The following DGCR2 variants were observed in gnomAD, a reference collection of about 807,000 sequenced individuals.
The protein encoded by DGCR2 is integral membrane protein DGCR2/IDD.
A neutral mutation model predicts 51.6 loss-of-function variants in DGCR2; 24 were observed. The ratio of observed to expected loss-of-function variants is 0.47; its 90% confidence interval spans 0.34 to 0.65. The LOEUF is 0.65. Ranked by LOEUF, DGCR2 falls within the 30% of genes least tolerant of loss-of-function variation. DGCR2 has a pLI of 0.01. For missense variants in DGCR2, 765 were observed against 772.1 expected (o/e 0.99, Z 0.11); for synonymous variants, 340 against 315.4 (o/e 1.08, Z -0.82).
chr22:19,099,385 G>T (rs1471629665), intron 1 of DGCR2, among the ~76,000 whole-genome samples: 1 of 151,872 alleles, frequency 6.6e-6, no homozygotes, highest in Non-Finnish European at 1.5e-5. Flanking sequence ...TTCGAGACCA[G>T]CCTGGCCAAC....
intron 8 of DGCR2, 22 bp downstream of exon 8, chr22:19,041,785 G>A (rs749803602): frequency 1.2e-6 from 2 of 1,607,668 alleles, no homozygotes; most frequent in South Asian, 1.1e-5. Flanking sequence ...GACCAGGGTT[G>A]TGGCCCTCAG....
At chr22:19,052,309 G>T (rs563739624) in intron 6 of DGCR2, among the ~76,000 whole-genome samples, 1 of 152,020 alleles carries the variant, frequency 6.6e-6, no homozygotes, top group Non-Finnish European at 1.5e-5. Flanking sequence ...CCAGCTACTC[G>T]GGAGGCTGAG....
rs575023425 is a variant in DGCR2, at chr22:19,059,063, T to C, written c.626-1901A>G. ...GGAGCATCCCTGGAAGAGGTCACAGTGGCAGCCATGAACAAGGCAGCCTGT... is the reference window on the plus strand; with the variant it reads ...GGAGCATCCCTGGAAGAGGTCACAGCGGCAGCCATGAACAAGGCAGCCTGT... On this transcript the variant is annotated intron_variant, in intron 5 of 9. Transcript: ENST00000263196. 7.9e-5 allele frequency among the ~76,000 whole-genome samples: 12 copies of C among 152,276 alleles called. No homozygotes were observed. The South Asian group carries it at 2.1e-3, about 26-fold the overall frequency.
At chr22:19,039,941 T>G (rs1043572439) in intron 9 of DGCR2, among the ~76,000 whole-genome samples, 3 of 152,144 alleles carry the variant, frequency 2.0e-5, no homozygotes, top group Admixed American at 1.3e-4. Flanking sequence ...CTGGGCAACA[T>G]AGTGAGACCC....
intron 1 of DGCR2, among the ~76,000 whole-genome samples, chr22:19,095,350 A>G (rs2083126894): frequency 6.6e-6 from 1 of 152,114 alleles, no homozygotes; most frequent in Non-Finnish European, 1.5e-5. Flanking sequence ...CAACAAGAGC[A>G]AAATTCTGTC....
intron 2 of DGCR2, 107 bp from the exon 3 acceptor site, chr22:19,068,332 T>C: frequency 2.3e-6 from 3 of 1,320,270 alleles, no homozygotes; most frequent in Non-Finnish European, 2.9e-6. Flanking sequence ...AGGGGGGGCC[T>C]GTAGCACAGA....
At position 19,039,046 on chromosome 22, in the gene DGCR2, C is replaced by CA; in HGVS notation, c.1471_1472insT (p.Arg491LeufsTer32). 6.2e-7 allele frequency: 1 copy of CA among 1,613,080 alleles called. No homozygotes were observed. Among genetic ancestry groups the CA allele is most frequent in the Non-Finnish European group, 8.5e-7 (1 of 1,179,942 alleles). On this transcript the variant is annotated frameshift_variant, in exon 10 of 10. Transcript: ENST00000263196. LOFTEE classifies it low-confidence loss of function (END_TRUNC). ...AGTGGGCAGAGGCTGCTCCAGGCGC[C>CA]GGAGTAATGCACCTTCACTCCCACC...
rs1274709881 is a variant in DGCR2, at chr22:19,037,621, CAAAGG to C, written c.*1239_*1243del. The C allele has an allele frequency of 2.6e-5, 4 of 152,220 alleles. No individual in the cohort carries two copies. Among genetic ancestry groups the C allele is most frequent in the African/African-American group, 9.7e-5 (4 of 41,434 alleles). 9.4% of individuals were successfully genotyped at this position (152,220 alleles called of 1,614,324 possible). A position where few individuals can be genotyped will look rare whatever the true frequency, so the allele number is the denominator to read the frequency against. ...ATACACACACAGAGACACAAACATA[CAAAGG>C]AAAGATCCAGACATTCAACGTAGAA... is the stretch of plus-strand genomic sequence containing the variant. On this transcript the variant is annotated 3_prime_UTR_variant, in exon 10 of 10. Coordinates refer to ENST00000263196, the MANE Select transcript of DGCR2 (RefSeq NM_005137.3).
chr22:19,068,137 G>A lies in DGCR2; in HGVS notation c.291C>T (p.Phe97=). The change falls in exon 3 of 10, where the codon TTC becomes TTT. Residue 97 remains phenylalanine (F), a synonymous_variant. Coordinates refer to ENST00000263196, the MANE Select transcript of DGCR2 (RefSeq NM_005137.3). Reference sequence around the variant, plus strand: ...CGGGCTGCGCCACGTTCACCGCGTGGAAGTGCGAAGGGTCGCCTCCTCTGG... The same window carrying A: ...CGGGCTGCGCCACGTTCACCGCGTGAAAGTGCGAAGGGTCGCCTCCTCTGG... ...GRARGGDPSH[F]HAVNVAQPVR... is the part of the protein sequence containing the mutation. 1.9e-6 allele frequency: 3 copies of A among 1,609,188 alleles called. No individual in the cohort carries two copies. The South Asian group carries it at 3.3e-5, about 18-fold the overall frequency.
intron 2 of DGCR2, among the ~76,000 whole-genome samples, chr22:19,082,259 T>G (rs865861934): frequency 7.2e-6 from 1 of 137,962 alleles, no homozygotes; most frequent in South Asian, 2.3e-4. Flanking sequence ...AGAGACAGGA[T>G]TTCACCACGT....
chr22:19,110,152 CA>C (rs1360530522), intron 1 of DGCR2, among the ~76,000 whole-genome samples: 3 of 152,210 alleles, frequency 2.0e-5, no homozygotes, highest in Non-Finnish European at 4.4e-5. Context: ...AAGTTGAACA[CA>C]AGATTTAACA....
At chr22:19,085,169 A>G (rs2083001048) in intron 2 of DGCR2, among the ~76,000 whole-genome samples, 1 of 152,120 alleles carries the variant, frequency 6.6e-6, no homozygotes, top group African/African-American at 2.4e-5. Flanking sequence ...GGGATTTCTA[A>G]CACGAAGGGT....
intron 7 of DGCR2, 149 bp downstream of exon 7, chr22:19,048,291 T>G: frequency 2.5e-6 from 2 of 815,208 alleles, no homozygotes; most frequent in Non-Finnish European, 4.0e-6. Context: ...TCAAAGTCTC[T>G]GAGACATCTC....
chr22:19,112,950 G>C lies in DGCR2; in HGVS notation c.79+9178C>G, dbSNP rs900245062. 2.1e-5 allele frequency among the ~76,000 whole-genome samples: 3 copies of C among 144,620 alleles called. 1 individual carries two copies. The highest frequency in any genetic ancestry group is 2.1e-4 in the Admixed American group (3 of 14,476). 94.9% of individuals were successfully genotyped at this position (144,620 alleles called of 152,430 possible). A position where few individuals can be genotyped will look rare whatever the true frequency, so the allele number is the denominator to read the frequency against. On this transcript the variant is annotated intron_variant, in intron 1 of 9. Transcript: ENST00000263196. ...CTTCTGAAACTATTCTGGGTGCAGT[G>C]TAAGACTAAGCAAATGAGTAAACCT... is the stretch of plus-strand genomic sequence containing the variant.
At chr22:19,086,688 G>T (rs73158835) in intron 2 of DGCR2, among the ~76,000 whole-genome samples, 3 of 151,860 alleles carry the variant, frequency 2.0e-5, no homozygotes, top group African/African-American at 7.3e-5. Flanking sequence ...TCACTGCTCA[G>T]CCCTGGTGCA....
intron 2 of DGCR2, among the ~76,000 whole-genome samples, chr22:19,084,808 TG>T (rs369480100): frequency 0.4 from 44,860 of 112,196 alleles, 10,273 homozygotes; most frequent in African/African-American, 0.63. Flanking sequence ...GGGAAGGAGG[TG>T]GGGGGGCGCC....
rs2082368770 is a variant in DGCR2 at position 19,036,382 on chromosome 22, A to C, written c.*2483T>G. The C allele has an allele frequency of 1.3e-5, 2 of 152,510 alleles. No individual in the cohort carries two copies. The highest frequency in any genetic ancestry group is 4.8e-5 in the African/African-American group (2 of 41,448). The allele number at this position is 152,510 out of a possible 1,614,324, so 9.4% of individuals were successfully genotyped here. A position where few individuals can be genotyped will look rare whatever the true frequency, so the allele number is the denominator to read the frequency against. ...ACCCAACCAAAAACTAAAAACCCTT[A>C]ATGAAAACATAAAAAAACAGGCATC... On this transcript the variant is annotated 3_prime_UTR_variant, in exon 10 of 10. Coordinates refer to ENST00000263196, the MANE Select transcript of DGCR2 (RefSeq NM_005137.3).
At chr22:19,100,621 G>A (rs1189693924) in intron 1 of DGCR2, among the ~76,000 whole-genome samples, 3 of 149,520 alleles carry the variant, frequency 2.0e-5, no homozygotes, top group Admixed American at 6.7e-5. Flanking sequence ...AGCCAAGATC[G>A]TGCCACTGCA....
chr22:19,039,202 G>A, intron 9 of DGCR2, 81 bp from the exon 10 acceptor site: 1 of 1,557,444 alleles, frequency 6.4e-7, no homozygotes, highest in Non-Finnish European at 8.7e-7. Flanking sequence ...AAAACCAGGA[G>A]ACACTCCTCC....
Sources: allele counts gnomAD v4.1 joint callset (sites outside exome capture counted in the v4.1 genomes callset), GRCh38; gene constraint gnomAD v4.1.1; transcripts MANE v1.5; gene names NCBI Gene and HGNC (gene_info 2026-07-23, HGNC 2026-07-21).